The following RPAP3 variants were observed in gnomAD, a reference collection of about 807,000 sequenced individuals.
The protein encoded by RPAP3 is RNA polymerase II associated protein 3.
Under a neutral mutation model 88.8 loss-of-function variants are expected in RPAP3, and 58 were observed. The ratio of observed to expected loss-of-function variants is 0.65; its 90% CI spans 0.53 to 0.81. RPAP3 has a LOEUF of 0.81. Ranked by LOEUF, RPAP3 falls within the 40% of genes least tolerant of loss-of-function variation. RPAP3 has a pLI of 0.00. For missense variants in RPAP3, 751 were observed against 764.3 expected, an observed-to-expected ratio of 0.98 and a Z score of 0.20; for synonymous variants, 255 against 259.9, an observed-to-expected ratio of 0.98 and a Z score of 0.18.
In RPAP3 at chr12:47,667,700, T is replaced by C. The variant is rs1938909321; in HGVS notation, c.1811+54A>G. On this transcript the variant is annotated intron_variant, in intron 15 of 16. Transcript: ENST00000005386. ...ATTAAAATTGCAGTTTCCAAAAACC[T>C]ATCAATAACATTAAGTGAGGACTTA... The C allele has an allele frequency of 3.3e-5, 33 of 991,092 alleles. No individual in the cohort carries two copies. The South Asian group carries it at 4.8e-4, about 14-fold the overall frequency. 61.4% of individuals were successfully genotyped at this position (991,092 alleles called of 1,614,324 possible). A position where few individuals can be genotyped will look rare whatever the true frequency, so the allele number is the denominator to read the frequency against.
chr12:47,692,734 G>C (rs1939451418), intron 5 of RPAP3, among the ~76,000 whole-genome samples: 1 of 152,126 alleles, frequency 6.6e-6, no homozygotes, highest in African/African-American at 2.4e-5. Context: ...TGGCTAACTG[G>C]CACAAGAGGC....
chr12:47,667,699 C>A, intron 15 of RPAP3, 55 bp downstream of exon 15: 6 of 953,084 alleles, frequency 6.3e-6, no homozygotes, highest in South Asian at 3.3e-5. Context: ...TTCCAAAAAC[C>A]TATCAATAAC....
intron 12 of RPAP3, among the ~76,000 whole-genome samples, chr12:47,671,498 G>A (rs1440920626): frequency 6.6e-6 from 1 of 152,112 alleles, no homozygotes; most frequent in Non-Finnish European, 1.5e-5. Flanking sequence ...TTCCATTAAT[G>A]CAGCTAAGAT....
chr12:47,693,418 G>A (rs1046653581), intron 5 of RPAP3, among the ~76,000 whole-genome samples: 21 of 152,138 alleles, frequency 1.4e-4, no homozygotes, highest in Non-Finnish European at 2.5e-4. Context: ...CTGAAATACT[G>A]CAACAATTAC....
chr12:47,669,523 T>C (rs1319791674), intron 13 of RPAP3, among the ~76,000 whole-genome samples: 3 of 152,150 alleles, frequency 2.0e-5, no homozygotes, highest in African/African-American at 7.2e-5. Context: ...ACTATCACTT[T>C]AAATAAAAGT....
Position 47,696,511 on chromosome 12 carries a change from T to C in RPAP3, c.418-108A>G, listed in dbSNP as rs79744510. ...GTGCATGGGTCCACTTAAATGTAGA[T>C]TTTTTTCAATAGAAGTCTACACCAA... On this transcript the variant is annotated intron_variant, in intron 4 of 16. Transcript: ENST00000005386. The C allele has an allele frequency of 5.5e-3, 3,663 of 663,706 alleles. 113 individuals are homozygous for C. The African/African-American group carries it at 0.061, about 11-fold the overall frequency. 41.1% of individuals were successfully genotyped at this position (663,706 alleles called of 1,614,324 possible).
chr12:47,683,847 C>T (rs1245609375), intron 9 of RPAP3, among the ~76,000 whole-genome samples: 2 of 152,152 alleles, frequency 1.3e-5, no homozygotes, highest in Non-Finnish European at 2.9e-5. Context: ...AGTGTAAATG[C>T]CGCCCCTAAT....
Position 47,686,793 on chromosome 12 carries a change from G to A in RPAP3, c.979C>T (p.Leu327=), listed in dbSNP as rs1939333445. Reference sequence around the variant, plus strand: ...ACCAATACTTACTTCTGAATCTTCAGATAGGCCATAGCTCTGTTAGCTGGA... The same window carrying A: ...ACCAATACTTACTTCTGAATCTTCAAATAGGCCATAGCTCTGTTAGCTGGA... ...LLPANRAMAY[L]KIQKYEEAEK... The change falls in exon 9 of 17, where the codon CTG becomes TTG. Residue 327 remains leucine (L), a synonymous_variant. Transcript: ENST00000005386. 2 of 1,581,916 alleles carry A rather than the reference G, an allele frequency of 1.3e-6. No individual in the cohort carries two copies. Among genetic ancestry groups the A allele is most frequent in the African/African-American group, 2.7e-5 (2 of 73,488 alleles).
intron 1 of RPAP3, among the ~76,000 whole-genome samples, chr12:47,704,329 A>C (rs1939726377): frequency 6.6e-6 from 1 of 152,210 alleles, no homozygotes; most frequent in Admixed American, 6.5e-5. Flanking sequence ...ACAGAGGGAA[A>C]GAAAGTGCAT....
rs753899104 is a variant in RPAP3, at chr12:47,686,950, C to T, written c.865-43G>A. 2.4e-6 allele frequency: 3 copies of T among 1,234,014 alleles called. No homozygotes were observed. In the East Asian group the frequency reaches 7.6e-5, roughly 31 times the overall value. The allele number at this position is 1,234,014 out of a possible 1,614,324, so 76.4% of individuals were successfully genotyped here. On this transcript the variant is annotated intron_variant, in intron 8 of 16. Coordinates refer to ENST00000005386, the MANE Select transcript of RPAP3 (RefSeq NM_024604.3). ...GATATGGAGAATAAAAAAAAAATTT[C>T]AAAAAAAATAAATGAATTCAAATCT...
chr12:47,665,954 T>G (rs767332013), intron 16 of RPAP3, among the ~76,000 whole-genome samples: 19 of 152,174 alleles, frequency 1.2e-4, no homozygotes, highest in Non-Finnish European at 2.4e-4. Context: ...CTAAATTACA[T>G]GTCCACTTCC....
chr12:47,693,583 G>A (rs1452730644), intron 5 of RPAP3, among the ~76,000 whole-genome samples: 2 of 152,176 alleles, frequency 1.3e-5, no homozygotes, highest in Non-Finnish European at 2.9e-5. Context: ...ACAAAACAAG[G>A]TATGCCTATA....
intron 12 of RPAP3, among the ~76,000 whole-genome samples, chr12:47,675,606 T>C (rs1377901535): frequency 6.6e-6 from 1 of 152,112 alleles, no homozygotes; most frequent in Admixed American, 6.5e-5. Context: ...CAGTCTCTGA[T>C]AAAACAGATG....
At chr12:47,666,883 TA>T (rs1385835118) in intron 16 of RPAP3, 96 bp downstream of exon 16, 6 of 454,628 alleles carry the variant, frequency 1.3e-5, no homozygotes, top group Admixed American at 4.0e-5. Context: ...AATATAACCT[TA>T]TACACAATAA....
At chr12:47,698,278 T>C (rs1939577612) in intron 3 of RPAP3, among the ~76,000 whole-genome samples, 1 of 152,084 alleles carries the variant, frequency 6.6e-6, no homozygotes, top group African/African-American at 2.4e-5. Context: ...ACTCAGCTAG[T>C]AAGTGACCAA....
intron 12 of RPAP3, among the ~76,000 whole-genome samples, chr12:47,677,328 A>T (rs148709063): frequency 6.6e-6 from 1 of 152,218 alleles, no homozygotes; most frequent in East Asian, 1.9e-4. Flanking sequence ...TTTGAAAACC[A>T]GCACAAGACA....
intron 9 of RPAP3, among the ~76,000 whole-genome samples, chr12:47,684,167 C>T (rs955214112): frequency 1.3e-5 from 2 of 152,296 alleles, no homozygotes; most frequent in Admixed American, 6.5e-5. Flanking sequence ...TACCAGCCTA[C>T]ATTCCACAAT....
chr12:47,669,613 A>G (rs534533859), intron 13 of RPAP3, among the ~76,000 whole-genome samples: 1 of 152,322 alleles, frequency 6.6e-6, no homozygotes, highest in East Asian at 1.9e-4. Flanking sequence ...TATATGAGTA[A>G]GGTTTCCATA....
At chr12:47,678,470 G>A (rs972919599) in intron 12 of RPAP3, among the ~76,000 whole-genome samples, 1 of 152,110 alleles carries the variant, frequency 6.6e-6, no homozygotes, top group South Asian at 2.1e-4. Flanking sequence ...GCAACCTACA[G>A]AATGGGAGAA....
Sources: gnomAD v4.1 joint callset for allele counts (sites outside exome capture counted in the v4.1 genomes callset) on GRCh38, gnomAD v4.1.1 for gene constraint, MANE v1.5 for transcripts, NCBI Gene and HGNC (gene_info 2026-07-23, HGNC 2026-07-21) for gene names.